The following RASGRF2 variants were observed in gnomAD, a reference collection of about 807,000 sequenced individuals.
RASGRF2 encodes the protein Ras protein specific guanine nucleotide releasing factor 2.
In RASGRF2, 76 loss-of-function variants were observed where a neutral mutation model predicts 151.0. The ratio of observed to expected loss-of-function variants is 0.50; its 90% CI spans 0.42 to 0.61. The LOEUF (loss-of-function observed/expected upper bound fraction) is 0.61. Ranked by LOEUF, RASGRF2 falls within the 20% of genes least tolerant of loss-of-function variation. The pLI is 0.00. For synonymous variants in RASGRF2, 504 were observed against 566.5 expected, an observed-to-expected ratio of 0.89 and a Z score of 1.57; for missense variants, 1,148 against 1,564.6, an observed-to-expected ratio of 0.73 and a Z score of 4.49.
chr5:81,174,781 T>C (rs1754736253), intron 17 of RASGRF2, among the ~76,000 whole-genome samples: 1 of 152,216 alleles, frequency 6.6e-6, no homozygotes, highest in Non-Finnish European at 1.5e-5. Flanking sequence ...TTTGAGGAAA[T>C]CTAAGTTCCC....
Position 81,103,207 on chromosome 5 carries a change from C to T in RASGRF2, c.1756-5789C>T, listed in dbSNP as rs1370830576. 2.6e-5 allele frequency among the ~76,000 whole-genome samples: 4 copies of T among 151,916 alleles called. No individual in the cohort carries two copies. In the East Asian group the frequency reaches 7.7e-4, roughly 29 times the overall value. On this transcript the variant is annotated intron_variant, in intron 12 of 26. Coordinates refer to ENST00000265080, the MANE Select transcript of RASGRF2 (RefSeq NM_006909.3). ...AAATTCACTGAAAATTCATTAAAGACAGTGAGTCAACCATAGCTAGTGAGA... is the reference window on the plus strand; with the variant it reads ...AAATTCACTGAAAATTCATTAAAGATAGTGAGTCAACCATAGCTAGTGAGA...
intron 2 of RASGRF2, 84 bp downstream of exon 2, chr5:81,043,067 A>G (rs905630293): frequency 2.0e-6 from 2 of 1,009,324 alleles, no homozygotes; most frequent in Non-Finnish European, 3.0e-6. Context: ...TTTTGGAAGA[A>G]CTTGCAACTC....
In RASGRF2 at chr5:81,228,071, A is replaced by G. The variant is rs1314874542; in HGVS notation, c.*2301A>G. 3 of 152,244 alleles carry G rather than the reference A, an allele frequency of 2.0e-5. No homozygotes were observed. Among genetic ancestry groups the G allele is most frequent in the Non-Finnish European group, 4.4e-5 (3 of 68,100 alleles). The allele number at this position is 152,244 out of a possible 1,614,324, so 9.4% of individuals were successfully genotyped here. A position where few individuals can be genotyped will look rare whatever the true frequency, so the allele number is the denominator to read the frequency against. On this transcript the variant is annotated 3_prime_UTR_variant, in exon 27 of 27. Coordinates refer to ENST00000265080, the MANE Select transcript of RASGRF2 (RefSeq NM_006909.3). Reference sequence around the variant, plus strand: ...GTCATATTAGGCACTGTCAATTGCTATGCTGACTTTTAGGGGGTTTTTGTT... The same window carrying G: ...GTCATATTAGGCACTGTCAATTGCTGTGCTGACTTTTAGGGGGTTTTTGTT...
At chr5:81,136,746 A>C (rs1028155860) in intron 17 of RASGRF2, among the ~76,000 whole-genome samples, 1 of 151,762 alleles carries the variant, frequency 6.6e-6, no homozygotes, top group African/African-American at 2.4e-5. Context: ...TGTTTGTTAT[A>C]CCCTTTGAAA....
chr5:81,122,966 G>A (rs912686987), intron 15 of RASGRF2, among the ~76,000 whole-genome samples: 7 of 152,114 alleles, frequency 4.6e-5, no homozygotes, highest in African/African-American at 1.7e-4. Flanking sequence ...TGTAGCTCTA[G>A]CTCAGAGATA....
chr5:81,172,358 T>A (rs1754675508), intron 17 of RASGRF2, among the ~76,000 whole-genome samples: 1 of 152,210 alleles, frequency 6.6e-6, no homozygotes, highest in African/African-American at 2.4e-5. Flanking sequence ...ATATTGATTT[T>A]ACCATTCTTC....
At chr5:80,990,765 G>A (rs1748624341) in intron 1 of RASGRF2, among the ~76,000 whole-genome samples, 1 of 152,180 alleles carries the variant, frequency 6.6e-6, no homozygotes, top group South Asian at 2.1e-4. Context: ...ATTCCTTGGT[G>A]TAAATCTGGG....
intron 17 of RASGRF2, among the ~76,000 whole-genome samples, chr5:81,131,751 A>T (rs1753626268): frequency 6.6e-6 from 1 of 151,476 alleles, no homozygotes. Flanking sequence ...CTTCCATGTC[A>T]TGCTCCCTTT....
Position 81,181,635 on chromosome 5 carries a change from C to T in RASGRF2, c.2793+1354C>T, listed in dbSNP as rs141104179. Among the ~76,000 whole-genome samples, 1,213 of 152,220 alleles carry T rather than the reference C, an allele frequency of 8.0e-3. 11 individuals are homozygous for T. Among genetic ancestry groups the T allele is most frequent in the Middle Eastern group, 0.027 (8 of 294 alleles). ...GTTTTTCCACTGTCTGATGGTCCAT[C>T]TTATTCCTCTCTGATTTTTTCTCAA... On this transcript the variant is annotated intron_variant, in intron 18 of 26. Coordinates refer to ENST00000265080, the MANE Select transcript of RASGRF2 (RefSeq NM_006909.3).
At position 81,067,987 on chromosome 5, in the gene RASGRF2, AG is replaced by A. The variant is rs1261086907; in HGVS notation, c.396-44del. ...TTATATTCTATATGGAACTCTATAT[AG>A]TAGAACAATATCTCAATGACTAACT... is the stretch of plus-strand genomic sequence containing the variant. On this transcript the variant is annotated intron_variant, in intron 2 of 26. Coordinates refer to ENST00000265080, the MANE Select transcript of RASGRF2 (RefSeq NM_006909.3). 2.0e-6 allele frequency: 3 copies of A among 1,515,124 alleles called. No homozygotes were observed. The African/African-American group carries it at 4.2e-5, about 21-fold the overall frequency. The allele number at this position is 1,515,124 out of a possible 1,614,324, so 93.9% of individuals were successfully genotyped here.
rs574156543 is a variant in RASGRF2 at position 81,143,052 on chromosome 5, A to T, written c.2686+15889A>T. 2.6e-5 allele frequency among the ~76,000 whole-genome samples: 4 copies of T among 152,348 alleles called. No homozygotes were observed. In the East Asian group the frequency reaches 7.7e-4, roughly 29 times the overall value. On this transcript the variant is annotated intron_variant, in intron 17 of 26. Coordinates refer to ENST00000265080, the MANE Select transcript of RASGRF2 (RefSeq NM_006909.3). Reference sequence around the variant, plus strand: ...TTCGTAGTATCCCTTTATTTTAAAGACGAAAAAATCTTAGGCTGGGAAAGA... The same window carrying T: ...TTCGTAGTATCCCTTTATTTTAAAGTCGAAAAAATCTTAGGCTGGGAAAGA...
At chr5:81,015,501 TTTGA>T (rs1459630356) in intron 1 of RASGRF2, among the ~76,000 whole-genome samples, 3 of 152,208 alleles carry the variant, frequency 2.0e-5, no homozygotes, top group Non-Finnish European at 4.4e-5. Flanking sequence ...TGTACATTTC[TTTGA>T]TTATCAGTGA....
intron 18 of RASGRF2, among the ~76,000 whole-genome samples, chr5:81,190,549 AAATGT>A (rs1391012859): frequency 3.9e-5 from 6 of 152,242 alleles, no homozygotes; most frequent in African/African-American, 1.2e-4. Context: ...GGAAAATATG[AAATGT>A]AAGAAACTAT....
chr5:81,184,552 G>A (rs1253350965), intron 18 of RASGRF2, among the ~76,000 whole-genome samples: 1 of 152,218 alleles, frequency 6.6e-6, no homozygotes, highest in Non-Finnish European at 1.5e-5. Flanking sequence ...GCTGGTAAAA[G>A]GGCTGCAGCT....
intron 17 of RASGRF2, among the ~76,000 whole-genome samples, chr5:81,148,473 T>G (rs1225518199): frequency 6.6e-6 from 1 of 152,208 alleles, no homozygotes; most frequent in Non-Finnish European, 1.5e-5. Flanking sequence ...AGGGCATATT[T>G]GGATACTGAT....
intron 1 of RASGRF2, among the ~76,000 whole-genome samples, chr5:81,041,909 T>A (rs1222084927): frequency 6.6e-6 from 1 of 152,152 alleles, no homozygotes; most frequent in Non-Finnish European, 1.5e-5. Context: ...CTATCCCTAT[T>A]TTACGAATAT....
intron 1 of RASGRF2, among the ~76,000 whole-genome samples, chr5:81,003,923 C>T (rs748377133): frequency 2.0e-5 from 3 of 152,060 alleles, no homozygotes; most frequent in African/African-American, 7.2e-5. Flanking sequence ...AGATCTTTGG[C>T]GAGAGTCCTG....
In RASGRF2 at chr5:81,228,698, A is replaced by T. The variant is rs1756050708; in HGVS notation, c.*2928A>T. 6.6e-6 allele frequency: 1 copy of T among 152,246 alleles called. No homozygotes were observed. Among genetic ancestry groups the T allele is most frequent in the Non-Finnish European group, 1.5e-5 (1 of 68,048 alleles). The allele number at this position is 152,246 out of a possible 1,614,324, so 9.4% of individuals were successfully genotyped here. A position where few individuals can be genotyped will look rare whatever the true frequency, so the allele number is the denominator to read the frequency against. On this transcript the variant is annotated 3_prime_UTR_variant, in exon 27 of 27. Transcript: ENST00000265080. ...GGGGATGCCTTTTCGTTATTAACTG[A>T]GACATCTAGTTTTGCTACAGGGACA...
chr5:81,169,932 T>C (rs62364963), intron 17 of RASGRF2, among the ~76,000 whole-genome samples: 32,455 of 51,270 alleles, frequency 0.63, 10,876 homozygotes, highest in East Asian at 0.76. Flanking sequence ...GCATCACCTG[T>C]ACCACCTGTA....
Sources: gnomAD v4.1 joint callset for allele counts (sites outside exome capture counted in the v4.1 genomes callset) on GRCh38, gnomAD v4.1.1 for gene constraint, MANE v1.5 for transcripts, NCBI Gene and HGNC (gene_info 2026-07-23, HGNC 2026-07-21) for gene names.